Variants in GABRA4 observed in about 807,000 individuals in gnomAD.
GABRA4 encodes gamma-aminobutyric acid type A receptor subunit alpha4, also known as gamma-aminobutyric acid receptor subunit alpha-4.
A neutral mutation model predicts 49.7 loss-of-function variants in GABRA4; 12 were observed. The ratio of observed to expected loss-of-function variants is 0.24; its 90% CI spans 0.15 to 0.39. The LOEUF (loss-of-function observed/expected upper bound fraction) is 0.39. Among genes scored for constraint, GABRA4 ranks in the 10% least tolerant of loss-of-function variants. The pLI, the probability that GABRA4 is intolerant of heterozygous loss-of-function variation, is 1.00. For missense variants in GABRA4, 506 were observed against 686.0 expected (o/e 0.74, Z 2.93); for synonymous variants, 288 against 240.2 (o/e 1.20, Z -1.84).
At chr4:46,956,317 A>G (rs911074513) in intron 8 of GABRA4, among the ~76,000 whole-genome samples, 5 of 152,120 alleles carry the variant, frequency 3.3e-5, no homozygotes, top group Non-Finnish European at 1.5e-5. Context: ...AACCAAGTTT[A>G]AAAATGAAAG....
chr4:46,929,148 A>G (rs780612571), intron 8 of GABRA4, among the ~76,000 whole-genome samples: 3 of 151,964 alleles, frequency 2.0e-5, no homozygotes, highest in Non-Finnish European at 2.9e-5. Context: ...TATACATTTC[A>G]AAGTTTTCTA....
At chr4:46,980,313 C>A (rs1409262709) in intron 2 of GABRA4, among the ~76,000 whole-genome samples, 1 of 148,996 alleles carries the variant, frequency 6.7e-6, no homozygotes, top group African/African-American at 2.5e-5. Flanking sequence ...AGAATGACAT[C>A]TGCTATGAAG....
At chr4:46,933,180 T>A (rs1721501464) in intron 8 of GABRA4, among the ~76,000 whole-genome samples, 1 of 152,114 alleles carries the variant, frequency 6.6e-6, no homozygotes, top group Non-Finnish European at 1.5e-5. Context: ...AGTAATGAGC[T>A]AGAGTATAAA....
chr4:46,946,324 T>A (rs1056806620), intron 8 of GABRA4, among the ~76,000 whole-genome samples: 1 of 152,128 alleles, frequency 6.6e-6, no homozygotes, highest in Non-Finnish European at 1.5e-5. Context: ...TTCTGTCAAA[T>A]GAACTATCAA....
intron 8 of GABRA4, among the ~76,000 whole-genome samples, chr4:46,959,581 T>G (rs1318384940): frequency 6.6e-6 from 1 of 151,564 alleles, no homozygotes; most frequent in African/African-American, 2.4e-5. Context: ...AACCAACCAT[T>G]TACTGTAATG....
chr4:46,988,021 C>A (rs1404010588), intron 2 of GABRA4, among the ~76,000 whole-genome samples: 1 of 152,128 alleles, frequency 6.6e-6, no homozygotes, highest in Non-Finnish European at 1.5e-5. Flanking sequence ...GCACACTGGA[C>A]TCCTCTCACC....
chr4:46,972,661 G>A (rs1722991172), intron 6 of GABRA4, among the ~76,000 whole-genome samples: 1 of 151,470 alleles, frequency 6.6e-6, no homozygotes, highest in Non-Finnish European at 1.5e-5. Context: ...ATACAGTACT[G>A]TTCACTATAT....
At chr4:46,932,351 A>G (rs1308605082) in intron 8 of GABRA4, among the ~76,000 whole-genome samples, 2 of 152,166 alleles carry the variant, frequency 1.3e-5, no homozygotes, top group African/African-American at 4.8e-5. Flanking sequence ...TCATACAGCA[A>G]GTTACTTACT....
rs1318791590 is a variant in GABRA4 at position 46,920,812 on chromosome 4, A to G, written c.*7413T>C. 1 of 151,854 alleles carries G rather than the reference A, an allele frequency of 6.6e-6. No homozygotes were observed. Among genetic ancestry groups the G allele is most frequent in the Non-Finnish European group, 1.5e-5 (1 of 67,762 alleles). The allele number at this position is 151,854 out of a possible 1,614,324, so 9.4% of individuals were successfully genotyped here. On this transcript the variant is annotated 3_prime_UTR_variant, in exon 9 of 9. Transcript: ENST00000264318. The stretch of plus-strand genomic sequence containing the variant: ...ATGAAATGTATACAGTAGAAAAATT[A>G]AAGAAGACTATAATTAGTTTTAAAT...
At chr4:46,969,829 T>C (rs1269637750) in intron 7 of GABRA4, among the ~76,000 whole-genome samples, 1 of 151,488 alleles carries the variant, frequency 6.6e-6, no homozygotes, top group Non-Finnish European at 1.5e-5. Context: ...TTCAAACTTA[T>C]ATTTAAGAGC....
chr4:46,924,479 C>T lies in GABRA4; in HGVS notation c.*3746G>A, dbSNP rs1218703956. 1 of 151,930 alleles carries T rather than the reference C, an allele frequency of 6.6e-6. No homozygotes were observed. The highest frequency in any genetic ancestry group is 6.6e-5 in the Admixed American group (1 of 15,226). The allele number at this position is 151,930 out of a possible 1,614,324, so 9.4% of individuals were successfully genotyped here. ...CTGTGACTACCTGCAAGGAAAGGGG[C>T]TATTTTTATCTCTGTATATCTAAAA... On this transcript the variant is annotated 3_prime_UTR_variant, in exon 9 of 9. Transcript: ENST00000264318.
intron 2 of GABRA4, among the ~76,000 whole-genome samples, chr4:46,980,545 C>T (rs539121436): frequency 7.2e-4 from 109 of 151,928 alleles, no homozygotes; most frequent in Non-Finnish European, 1.2e-3. Context: ...AATAAGTATC[C>T]TAAGAAAAAT....
intron 7 of GABRA4, among the ~76,000 whole-genome samples, chr4:46,965,843 C>A (rs967486857): frequency 1.7e-4 from 26 of 151,722 alleles, no homozygotes; most frequent in African/African-American, 6.0e-4. Flanking sequence ...TGTGCAGAAG[C>A]CTCATTTTTA....
intron 7 of GABRA4, among the ~76,000 whole-genome samples, chr4:46,970,852 G>A (rs950138588): frequency 2.0e-5 from 3 of 151,550 alleles, no homozygotes; most frequent in African/African-American, 7.3e-5. Context: ...GTCTATGCCT[G>A]TCTGGTTCTC....
chr4:46,977,850 A>T (rs568409637), intron 3 of GABRA4, among the ~76,000 whole-genome samples: 31 of 152,190 alleles, frequency 2.0e-4, no homozygotes, highest in Non-Finnish European at 3.5e-4. Context: ...CTACATTCAT[A>T]AGATAAATAA....
chr4:46,928,880 A>G (rs111951353), intron 8 of GABRA4, 125 bp from the exon 9 acceptor site: 2 of 634,272 alleles, frequency 3.2e-6, no homozygotes, highest in African/African-American at 1.8e-5. Context: ...AATAAGCTGT[A>G]GTCATCTTGA....
intron 8 of GABRA4, among the ~76,000 whole-genome samples, chr4:46,929,327 A>G (rs1452732121): frequency 6.6e-6 from 1 of 152,046 alleles, no homozygotes; most frequent in African/African-American, 2.4e-5. Flanking sequence ...AATAGTACAC[A>G]TTATTATGAA....
In GABRA4 at chr4:46,992,961, A is replaced by AT; in HGVS notation, c.87-16_87-15insA. On this transcript the variant is annotated splice_polypyrimidine_tract_variant and intron_variant, in intron 1 of 8. Coordinates refer to ENST00000264318, the MANE Select transcript of GABRA4 (RefSeq NM_000809.4). ...ATTCGTTTAAACTGCAAGCGAAAAA[A>AT]AAAAAACCGGGGGCGGAGGAGATTA... 1 of 1,567,424 alleles carries AT rather than the reference A, an allele frequency of 6.4e-7. No homozygotes were observed. Among genetic ancestry groups the AT allele is most frequent in the Non-Finnish European group, 8.8e-7 (1 of 1,138,674 alleles).
At chr4:46,971,316 A>C in intron 6 of GABRA4, 81 bp from the exon 7 acceptor site, 1 of 1,266,006 alleles carries the variant, frequency 7.9e-7, no homozygotes, top group East Asian at 2.4e-5. Context: ...TTTCAGACTA[A>C]CAAACAGGAT....
Sources: gnomAD v4.1 joint callset for allele counts (sites outside exome capture counted in the v4.1 genomes callset) on GRCh38, gnomAD v4.1.1 for gene constraint, MANE v1.5 for transcripts, NCBI Gene and HGNC (gene_info 2026-07-23, HGNC 2026-07-21) for gene names.